Variants in SRGAP3 observed in about 807,000 individuals in gnomAD.
The protein encoded by SRGAP3 is SLIT-ROBO Rho GTPase activating protein 3, also known as SLIT-ROBO Rho GTPase-activating protein 3.
Under a neutral mutation model 121.1 loss-of-function variants are expected in SRGAP3, and 39 were observed. The ratio of observed to expected loss-of-function variants is 0.32; its 90% CI spans 0.25 to 0.42. The LOEUF (loss-of-function observed/expected upper bound fraction) is 0.42, where lower values mean the gene tolerates loss of function less well. SRGAP3 is among the 10% of genes least tolerant of loss of function. The pLI, the probability that SRGAP3 is intolerant of heterozygous loss-of-function variation, is 1.00. For missense variants in SRGAP3, 1,213 were observed against 1,470.6 expected, an observed-to-expected ratio of 0.82 and a Z score of 2.86; for synonymous variants, 601 against 570.0, an observed-to-expected ratio of 1.05 and a Z score of -0.77.
At chr3:8,990,483 G>A in intron 21 of SRGAP3, 29 bp downstream of exon 21, 1 of 1,549,586 alleles carries the variant, frequency 6.5e-7, no homozygotes, top group Non-Finnish European at 8.7e-7. Flanking sequence ...GCTTTTGGCT[G>A]CCCAGCCTGC....
chr3:9,166,416 G>A (rs1950786280), intron 1 of SRGAP3, among the ~76,000 whole-genome samples: 1 of 152,174 alleles, frequency 6.6e-6, no homozygotes, highest in Non-Finnish European at 1.5e-5. Context: ...TTTTAGCTGG[G>A]CTCACCACTG....
chr3:9,136,447 C>T (rs1949667374), intron 1 of SRGAP3, among the ~76,000 whole-genome samples: 2 of 150,700 alleles, frequency 1.3e-5, no homozygotes, highest in Admixed American at 6.6e-5. Context: ...GTGCAGCAGC[C>T]GGGGTGGCTG....
chr3:9,080,162 A>G (rs1044518637), intron 3 of SRGAP3, 75 bp from the exon 4 acceptor site: 21 of 1,501,866 alleles, frequency 1.4e-5, no homozygotes, highest in Non-Finnish European at 1.9e-5. Context: ...TTCAAAAGCG[A>G]AAGGTCAGGA....
At chr3:9,351,155 C>G (rs78294984) in intron 1 of SRGAP3, among the ~76,000 whole-genome samples, 363 of 152,288 alleles carry the variant, frequency 2.4e-3, no homozygotes, top group African/African-American at 8.5e-3. Flanking sequence ...AGTGACACAT[C>G]TGCCACATTC....
chr3:9,071,283 T>G (rs1946694943), intron 4 of SRGAP3, among the ~76,000 whole-genome samples: 1 of 152,128 alleles, frequency 6.6e-6, no homozygotes. Context: ...CTAATTTTAT[T>G]TTGAGGAAAT....
At position 8,985,222 on chromosome 3, in the gene SRGAP3, T is replaced by C. The variant is rs1207948720; in HGVS notation, c.*297A>G. On this transcript the variant is annotated 3_prime_UTR_variant, in exon 22 of 22. Coordinates refer to ENST00000383836, the MANE Select transcript of SRGAP3 (RefSeq NM_014850.4). This position sits in a 1 kb window ranked among gnomAD's most constrained non-coding sequence, Gnocchi z 5.1. ...CGAGAGAGGAAGTTTCCAGTGACGA[T>C]ATGCGGGAGAAGCCATGTGGTATTT... The C allele has an allele frequency of 1.0e-5, 5 of 496,166 alleles. No individual in the cohort carries two copies. The highest frequency in any genetic ancestry group is 2.4e-5 in the South Asian group (1 of 40,974). The allele number at this position is 496,166 out of a possible 1,614,324, so 30.7% of individuals were successfully genotyped here.
chr3:9,320,188 G>A (rs1955417072), intron 3 of SRGAP3, among the ~76,000 whole-genome samples: 2 of 151,894 alleles, frequency 1.3e-5, no homozygotes, highest in African/African-American at 4.8e-5. Context: ...CTTGGAGCTG[G>A]CATGTCCATC....
intron 3 of SRGAP3, among the ~76,000 whole-genome samples, chr3:9,307,004 G>A (rs1463670511): frequency 6.6e-6 from 1 of 151,942 alleles, no homozygotes; most frequent in Non-Finnish European, 1.5e-5. Flanking sequence ...ATAGGGTCTT[G>A]CTCTGTTACC....
intron 3 of SRGAP3, among the ~76,000 whole-genome samples, chr3:9,102,488 A>C (rs960928097): frequency 9.9e-5 from 15 of 152,220 alleles, no homozygotes. Context: ...GAGGATCCCC[A>C]GTCTGACCAG....
At chr3:9,112,648 A>C (rs1948672307) in intron 2 of SRGAP3, among the ~76,000 whole-genome samples, 1 of 152,170 alleles carries the variant, frequency 6.6e-6, no homozygotes, top group Non-Finnish European at 1.5e-5. Flanking sequence ...GGGAGGGAGC[A>C]TCAGGGGACC....
Position 9,130,182 on chromosome 3 carries a change from C to T in SRGAP3, c.68-5265G>A, listed in dbSNP as rs543202740. 3.9e-5 allele frequency among the ~76,000 whole-genome samples: 6 copies of T among 152,228 alleles called. No homozygotes were observed. The East Asian group carries it at 1.2e-3, about 29-fold the overall frequency. Reference sequence around the variant, plus strand: ...CACACATTCACGCCACAAATACATACAAAACACACAACACATACCACACAC... The same window carrying T: ...CACACATTCACGCCACAAATACATATAAAACACACAACACATACCACACAC... On this transcript the variant is annotated intron_variant, in intron 1 of 21. Coordinates refer to ENST00000383836, the MANE Select transcript of SRGAP3 (RefSeq NM_014850.4).
At chr3:9,272,423 T>C (rs942259692) in intron 3 of SRGAP3, among the ~76,000 whole-genome samples, 3 of 152,162 alleles carry the variant, frequency 2.0e-5, no homozygotes, top group Non-Finnish European at 4.4e-5. Flanking sequence ...CTACCCCAGC[T>C]CCTGGTAGCC....
rs115450979 is a variant in SRGAP3, at chr3:8,994,277, C to T, written c.2408+66G>A. 1.6e-3 allele frequency: 2,593 copies of T among 1,600,450 alleles called. 32 individuals are homozygous for T. The African/African-American group carries it at 0.03, about 18-fold the overall frequency. On this transcript the variant is annotated intron_variant, in intron 19 of 21. Transcript: ENST00000383836. ...TGGCATACAAGCTAGCACTCCCCTA[C>T]GGTGCCCATCCCAGACATCACTAAT...
At chr3:9,351,697 C>T (rs2125294872) in intron 1 of SRGAP3, among the ~76,000 whole-genome samples, 1 of 152,292 alleles carries the variant, frequency 6.6e-6, no homozygotes, top group Admixed American at 6.5e-5. Context: ...TACACATATA[C>T]TTACCATTGT....
At position 9,327,047 on chromosome 3, in the gene SRGAP3, A is replaced by T. The variant is rs529214286; in HGVS notation, n.284-879T>A. 1.1e-4 allele frequency among the ~76,000 whole-genome samples: 17 copies of T among 151,960 alleles called. No individual in the cohort carries two copies. The South Asian group carries it at 2.9e-3, about 26-fold the overall frequency. On this transcript the variant is annotated intron_variant and non_coding_transcript_variant, in intron 2 of 3. Transcript: ENST00000490889. ...TTTCATTATTGTTTAATATTACATA[A>T]AAATCATTTTTAAAAGAGAAAACCA...
intron 1 of SRGAP3, among the ~76,000 whole-genome samples, chr3:9,192,239 G>A (rs563774377): frequency 2.7e-4 from 41 of 152,296 alleles, no homozygotes; most frequent in African/African-American, 9.6e-4. Flanking sequence ...TTGGAATATC[G>A]TGCCTGATGG....
intron 1 of SRGAP3, among the ~76,000 whole-genome samples, chr3:9,238,549 A>G (rs1321004564): frequency 3.3e-5 from 5 of 152,216 alleles, no homozygotes; most frequent in Admixed American, 3.3e-4. Context: ...AGAGTAAATC[A>G]GTAAAGCAAA....
At position 9,023,525 on chromosome 3, in the gene SRGAP3, C is replaced by T. The variant is rs1944027912; in HGVS notation, c.1678+1736G>A. ...AGGCATTTTTTCCCAAGGAAACCTT[C>T]CCTGGCTTTGCTGTTCCTCCCCACT... On this transcript the variant is annotated intron_variant, in intron 14 of 21. Coordinates refer to ENST00000383836, the MANE Select transcript of SRGAP3 (RefSeq NM_014850.4). Among the ~76,000 whole-genome samples, 3 of 152,166 alleles carry T rather than the reference C, an allele frequency of 2.0e-5. No individual in the cohort carries two copies. In the South Asian group the frequency reaches 6.2e-4, roughly 32 times the overall value.
intron 4 of SRGAP3, among the ~76,000 whole-genome samples, chr3:9,078,679 A>G (rs914135406): frequency 1.3e-5 from 2 of 152,146 alleles, no homozygotes; most frequent in African/African-American, 4.8e-5. Context: ...TTGAACCCAG[A>G]TCTCTGGCTT....
Sources: allele counts gnomAD v4.1 joint callset (sites outside exome capture counted in the v4.1 genomes callset), GRCh38; gene constraint gnomAD v4.1.1; non-coding constraint Gnocchi (gnomAD v3.1); transcripts MANE v1.5; gene names NCBI Gene and HGNC (gene_info 2026-07-23, HGNC 2026-07-21).